Variants in CISH observed in about 807,000 individuals in gnomAD.
The protein encoded by CISH is cytokine inducible SH2 containing protein.
In CISH, 11 loss-of-function variants were observed where a neutral mutation model predicts 21.3. The observed-to-expected ratio is 0.52, with a 90% CI of 0.32 to 0.85. CISH has a LOEUF of 0.85. CISH is among the 40% of genes least tolerant of loss of function. CISH has a pLI of 0.03. For synonymous variants in CISH, 118 were observed against 142.3 expected (o/e 0.83, Z 1.22); for missense variants, 280 against 351.7 (o/e 0.80, Z 1.63).
At chr3:50,611,538 A>G in intron 1 of CISH, 93 bp downstream of exon 1, 1 of 1,517,298 alleles carries the variant, frequency 6.6e-7, no homozygotes, top group South Asian at 1.2e-5. Flanking sequence ...CTGGCCCGTC[A>G]AGCCCTCCCA....
intron 1 of CISH, chr3:50,610,152 C>A: frequency 1.7e-6 from 1 of 586,554 alleles, no homozygotes; most frequent in Non-Finnish European, 3.0e-6. Context: ...AGCTGGAGGC[C>A]AAATTTTGAG....
chr3:50,607,303 C>A lies in CISH; in HGVS notation c.*304G>T, dbSNP rs1007669750. On this transcript the variant is annotated 3_prime_UTR_variant, in exon 3 of 3. Coordinates refer to ENST00000348721, the MANE Select transcript of CISH (RefSeq NM_145071.4). The stretch of plus-strand genomic sequence containing the variant: ...GCCCATACAGTTCAGGTGGCCAGGG[C>A]AGGCAAGCGAGTGGAGGTCTGGGCC... 2.5e-6 allele frequency: 1 copy of A among 399,124 alleles called. No homozygotes were observed. Among genetic ancestry groups the A allele is most frequent in the East Asian group, 4.3e-5 (1 of 23,020 alleles). 24.7% of individuals were successfully genotyped at this position (399,124 alleles called of 1,614,324 possible). A position where few individuals can be genotyped will look rare whatever the true frequency, so the allele number is the denominator to read the frequency against.
chr3:50,607,534 G>A lies in CISH; in HGVS notation c.*73C>T. On this transcript the variant is annotated 3_prime_UTR_variant, in exon 3 of 3. Transcript: ENST00000348721. ...GATGCCTGGAGGAGGGACAGTGGGG[G>A]CCCAAGTCCAGCTGGGGCTGATGTC... 5.4e-6 allele frequency: 8 copies of A among 1,482,864 alleles called. No homozygotes were observed. The highest frequency in any genetic ancestry group is 7.3e-6 in the Non-Finnish European group (8 of 1,092,072). The allele number at this position is 1,482,864 out of a possible 1,614,324, so 91.9% of individuals were successfully genotyped here. A position where few individuals can be genotyped will look rare whatever the true frequency, so the allele number is the denominator to read the frequency against.
intron 1 of CISH, 44 bp downstream of exon 1, chr3:50,611,587 C>T: frequency 1.3e-6 from 2 of 1,523,370 alleles, no homozygotes; most frequent in Non-Finnish European, 1.8e-6. Flanking sequence ...TTCTCCCGTG[C>T]GCCCCTCGTG....
intron 1 of CISH, chr3:50,610,029 A>G: frequency 3.1e-6 from 1 of 321,912 alleles, no homozygotes; most frequent in Non-Finnish European, 6.0e-6. Context: ...TCATGGCCCT[A>G]TGACCACTCA....
chr3:50,610,579 G>A, intron 1 of CISH: 1 of 1,492,038 alleles, frequency 6.7e-7, no homozygotes, highest in Non-Finnish European at 9.0e-7. Flanking sequence ...GCAGGGGGAG[G>A]CTCCTGGGGT....
Position 50,607,703 on chromosome 3 carries a change from G to A in CISH, c.681C>T (p.Cys227=), listed in dbSNP as rs1559477651. Residue 227 remains cysteine, a synonymous_variant, in exon 3 of 3, where the codon TGC becomes TGT. Transcript: ENST00000348721. ...CCACCAGACGGTTGATGACAAGGCGGCACAGGTGTTGCAGGCTGCGGGCAC... is the reference window on the plus strand; with the variant it reads ...CCACCAGACGGTTGATGACAAGGCGACACAGGTGTTGCAGGCTGCGGGCAC... ...RSSARSLQHL[C]RLVINRLVAD... is the part of the protein sequence containing the mutation. 6.2e-7 allele frequency: 1 copy of A among 1,613,866 alleles called. No individual in the cohort carries two copies. The highest frequency in any genetic ancestry group is 1.1e-5 in the South Asian group (1 of 91,084).
In CISH at chr3:50,607,653, G is replaced by A. The variant is rs1169026456; in HGVS notation, c.731C>T (p.Pro244Leu). 1.2e-6 allele frequency: 2 copies of A among 1,613,552 alleles called. No homozygotes were observed. Among genetic ancestry groups the A allele is most frequent in the Non-Finnish European group, 1.7e-6 (2 of 1,179,974 alleles). Reference sequence around the variant, plus strand: ...TCGGAGGTAGTCGGCCATGCGCCGGGGCAGTGGCAGGCAGTCCACGTCGGC... The same window carrying A: ...TCGGAGGTAGTCGGCCATGCGCCGGAGCAGTGGCAGGCAGTCCACGTCGGC... ...LVADVDCLPL[P>L]RRMADYLRQY... The change falls in exon 3 of 3, where the codon CCC (proline) becomes CTC (leucine). Residue 244 changes from proline to leucine, a missense_variant. Coordinates refer to ENST00000348721, the MANE Select transcript of CISH (RefSeq NM_145071.4).
Position 50,611,768 on chromosome 3 carries a change from A to G in CISH, c.-118T>C. On this transcript the variant is annotated 5_prime_UTR_variant, in exon 1 of 3. Transcript: ENST00000348721. ...CTCCCGGGGCGCGCGGGCGCAGGAC[A>G]GGGACTGAGAGGCAGTGGCGCGGAC... The G allele has an allele frequency of 1.5e-6, 2 of 1,319,872 alleles. No individual in the cohort carries two copies. Among genetic ancestry groups the G allele is most frequent in the Non-Finnish European group, 9.8e-7 (1 of 1,021,212 alleles). 81.8% of individuals were successfully genotyped at this position (1,319,872 alleles called of 1,614,324 possible). A position where few individuals can be genotyped will look rare whatever the true frequency, so the allele number is the denominator to read the frequency against.
chr3:50,607,282 A>G lies in CISH; in HGVS notation c.*325T>C. ...TGAAAAACCAGGGCTGAGAGTGCCCATACAGTTCAGGTGGCCAGGGCAGGC... is the reference window on the plus strand; with the variant it reads ...TGAAAAACCAGGGCTGAGAGTGCCCGTACAGTTCAGGTGGCCAGGGCAGGC... On this transcript the variant is annotated 3_prime_UTR_variant, in exon 3 of 3. Coordinates refer to ENST00000348721, the MANE Select transcript of CISH (RefSeq NM_145071.4). The G allele has an allele frequency of 2.9e-6, 1 of 339,914 alleles. No homozygotes were observed. Among genetic ancestry groups the G allele is most frequent in the Non-Finnish European group, 5.5e-6 (1 of 180,580 alleles). 21.1% of individuals were successfully genotyped at this position (339,914 alleles called of 1,614,324 possible). A position where few individuals can be genotyped will look rare whatever the true frequency, so the allele number is the denominator to read the frequency against.
At chr3:50,610,584 T>C (rs1559479256) in intron 1 of CISH, 1 of 1,489,590 alleles carries the variant, frequency 6.7e-7, no homozygotes, top group East Asian at 2.5e-5. Context: ...GGGAGGCTCC[T>C]GGGGTGGAAG....
chr3:50,610,515 C>A, intron 1 of CISH: 1 of 1,548,496 alleles, frequency 6.5e-7, no homozygotes, highest in Non-Finnish European at 8.7e-7. Flanking sequence ...CCTGAGCTTA[C>A]AAGGGGGTGC....
At position 50,607,921 on chromosome 3, in the gene CISH, C is replaced by T. The variant is rs2032204046; in HGVS notation, c.463G>A (p.Asp155Asn). 1.2e-6 allele frequency: 2 copies of T among 1,613,870 alleles called. No individual in the cohort carries two copies. The highest frequency in any genetic ancestry group is 1.7e-6 in the Non-Finnish European group (2 of 1,180,024). The change falls in exon 3 of 3, where the codon GAT becomes AAT. Residue 155 changes from aspartate to asparagine, a missense_variant. Asp to Asn is a conservative substitution (Grantham distance 23). Transcript: ENST00000348721. ...LSRPRILAFP[D>N]VVSLVQHYVA... is the part of the protein sequence containing the mutation. ...TAGTGCTGCACAAGGCTGACCACAT[C>T]CGGAAAGGCCAGGATGCGTGGCCTG...
chr3:50,611,445 G>T, intron 1 of CISH, 186 bp downstream of exon 1: 10 of 1,394,404 alleles, frequency 7.2e-6, no homozygotes, highest in Non-Finnish European at 9.3e-6. Flanking sequence ...GGGAATTGAG[G>T]TAAGTGTGTG....
rs2032177672 is a variant in CISH, at chr3:50,607,234, GGGTCCT to G, written c.*367_*372del. 4.1e-6 allele frequency: 1 copy of G among 244,004 alleles called. No homozygotes were observed. The highest frequency in any genetic ancestry group is 8.2e-5 in the South Asian group (1 of 12,238). 15.1% of individuals were successfully genotyped at this position (244,004 alleles called of 1,614,324 possible). A position where few individuals can be genotyped will look rare whatever the true frequency, so the allele number is the denominator to read the frequency against. The stretch of plus-strand genomic sequence containing the variant: ...AGAAACAGAGGCTGGCTGCCAGTAG[GGGTCCT>G]ACCCGACCCTGGGGATTGAAAAACC... On this transcript the variant is annotated 3_prime_UTR_variant, in exon 3 of 3. Transcript: ENST00000348721.
At chr3:50,610,603 G>T in intron 1 of CISH, 1 of 1,470,570 alleles carries the variant, frequency 6.8e-7, no homozygotes, top group Non-Finnish European at 9.0e-7. Context: ...AGGCAGTGGT[G>T]GGGCAGGTAT....
chr3:50,607,727 A>G lies in CISH; in HGVS notation c.657T>C (p.Ser219=), dbSNP rs2239753. The G allele has an allele frequency of 0.038, 62,046 of 1,613,840 alleles. 7,045 individuals carry two copies. Among genetic ancestry groups the G allele is most frequent in the East Asian group, 0.33 (14,635 of 44,870 alleles). ...KLVQPFVRRS[S]ARSLQHLCRL... is the part of the protein sequence containing the mutation. ...GGCACAGGTGTTGCAGGCTGCGGGC[A>G]CTGCTTCTGCGTACAAAGGGCTGCA... Residue 219 remains serine, a synonymous_variant, in exon 3 of 3, where the codon AGT becomes AGC. Transcript: ENST00000348721.
chr3:50,608,157 A>G lies in CISH; in HGVS notation c.242-15T>C. On this transcript the variant is annotated splice_polypyrimidine_tract_variant and intron_variant, in intron 2 of 2. Transcript: ENST00000348721. ...CCAATACCAGCCTAGGCAAGTGCAG[A>G]GGGGGCCAAGGGACATAGTGGAAAT... The G allele has an allele frequency of 6.3e-7, 1 of 1,584,726 alleles. No individual in the cohort carries two copies. The highest frequency in any genetic ancestry group is 1.7e-5 in the Admixed American group (1 of 58,692).
intron 1 of CISH, 187 bp downstream of exon 1, chr3:50,611,444 G>A (rs2107561840): frequency 8.6e-6 from 12 of 1,394,150 alleles, no homozygotes; most frequent in African/African-American, 1.5e-5. Context: ...TGGGAATTGA[G>A]GTAAGTGTGT....
Sources: gnomAD v4.1 joint callset for allele counts on GRCh38, gnomAD v4.1.1 for gene constraint, MANE v1.5 for transcripts, NCBI Gene and HGNC (gene_info 2026-07-23, HGNC 2026-07-21) for gene names.